The following MATN1 variants were observed in gnomAD, a reference collection of about 807,000 sequenced individuals.
MATN1 encodes matrilin 1.
In MATN1, 34 loss-of-function variants were observed where a neutral mutation model predicts 41.3. The ratio of observed to expected loss-of-function variants is 0.82; its 90% confidence interval spans 0.63 to 1.10. The LOEUF is 1.10. MATN1 is among the 50% of genes least tolerant of loss of function. The pLI is 0.00. For missense variants in MATN1, 602 were observed against 662.4 expected, an observed-to-expected ratio of 0.91 and a Z score of 1.00; for synonymous variants, 264 against 278.7, an observed-to-expected ratio of 0.95 and a Z score of 0.53.
chr1:30,718,160 G>A lies in MATN1; in HGVS notation c.664+575C>T, dbSNP rs866320350. Among the ~76,000 whole-genome samples, 11 of 150,734 alleles carry A rather than the reference G, an allele frequency of 7.3e-5. No homozygotes were observed. The East Asian group carries it at 1.6e-3, about 22-fold the overall frequency. On this transcript the variant is annotated intron_variant, in intron 3 of 7. Coordinates refer to ENST00000373765, the MANE Select transcript of MATN1 (RefSeq NM_002379.3). The stretch of plus-strand genomic sequence containing the variant: ...GTTGCCGTGTAACTCAGTTCCCGCC[G>A]TTTTATAGGCTACCGCCCCAGCCAG...
Position 30,714,265 on chromosome 1 carries a change from G to C in MATN1, c.1423C>G (p.Gln475Glu), listed in dbSNP as rs773226779. Residue 475 changes from glutamine to glutamate, a missense_variant, in exon 7 of 8, where the codon CAG (glutamine) becomes GAG (glutamate). By Grantham distance (29) the Gln-to-Glu change is conservative. Coordinates refer to ENST00000373765, the MANE Select transcript of MATN1 (RefSeq NM_002379.3). Reference protein sequence around the residue: ...KFQAKVEGLLQALTRKLEAVS... With the variant: ...KFQAKVEGLLEALTRKLEAVS... ...GGGATATGTTTCCTGGTCAGGGCCT[G>C]CAGCAGCCCCTCCACTTTGGCTTGG... is the stretch of plus-strand genomic sequence containing the variant. The C allele has an allele frequency of 8.7e-6, 14 of 1,608,644 alleles. No individual in the cohort carries two copies. In the South Asian group the frequency reaches 1.2e-4, roughly 14 times the overall value.
At chr1:30,713,703 G>A (rs1639582381) in intron 7 of MATN1, 72 bp from the exon 8 acceptor site, 3 of 1,249,474 alleles carry the variant, frequency 2.4e-6, no homozygotes, top group Non-Finnish European at 2.3e-6. Flanking sequence ...CTGCACTCAG[G>A]CCCCTGCAAC....
rs756680336 is a variant in MATN1, at chr1:30,721,449, C to T, written c.397G>A (p.Gly133Ser). ...AIQFAITKAFGDAEGGRSRSP... is the reference protein window; with the variant it reads ...AIQFAITKAFSDAEGGRSRSP... ...CTGGAACGACCACCCTCTGCATCGC[C>T]GAAGGCTTTGGTGATAGCGAACTGG... The change falls in exon 2 of 8, where the codon GGC becomes AGC. Residue 133 changes from glycine (G) to serine (S), a missense_variant. Transcript: ENST00000373765. The T allele has an allele frequency of 1.9e-5, 30 of 1,613,334 alleles. 1 individual carries two copies. The highest frequency in any genetic ancestry group is 6.7e-5 in the Admixed American group (4 of 60,018).
chr1:30,716,411 A>G, intron 4 of MATN1, 86 bp from the exon 5 acceptor site: 1 of 1,354,144 alleles, frequency 7.4e-7, no homozygotes, highest in Admixed American at 2.0e-5. Context: ...CCACACACCA[A>G]GCTCTGTGCT....
rs763120799 is a variant in MATN1, at chr1:30,716,205, G to A, written c.911C>T (p.Thr304Met). ...VKKFISQIVD[T>M]LDVSDKLAQV... ...GGCCAGCTTGTCTGACACGTCCAGC[G>A]TATCCACGATCTGACTGATGAACTT... The change falls in exon 5 of 8, where the codon ACG becomes ATG. Residue 304 changes from threonine (T) to methionine (M), a missense_variant. Coordinates refer to ENST00000373765, the MANE Select transcript of MATN1 (RefSeq NM_002379.3). 1.7e-5 allele frequency: 28 copies of A among 1,614,208 alleles called. No homozygotes were observed. The highest frequency in any genetic ancestry group is 7.7e-5 in the South Asian group (7 of 91,080).
chr1:30,714,138 G>T, intron 7 of MATN1, 109 bp downstream of exon 7: 2 of 858,892 alleles, frequency 2.3e-6, no homozygotes, highest in Non-Finnish European at 3.8e-6. Context: ...TCAGCAGTAA[G>T]CAGGCCAAGA....
chr1:30,713,944 G>A (rs576637846), intron 7 of MATN1: 89 of 579,074 alleles, frequency 1.5e-4, no homozygotes, highest in African/African-American at 1.5e-3. Context: ...ACGTCACCAT[G>A]AGCCTGAGAA....
At chr1:30,714,355 G>T in intron 6 of MATN1, 28 bp from the exon 7 acceptor site, 1 of 1,577,908 alleles carries the variant, frequency 6.3e-7, no homozygotes, top group East Asian at 2.3e-5. Context: ...GAGGGAAAGA[G>T]AAAGGAACTG....
At position 30,716,213 on chromosome 1, in the gene MATN1, G is replaced by T. The variant is rs34163530; in HGVS notation, c.903C>A (p.Ile301=). Residue 301 remains isoleucine (I), a synonymous_variant, in exon 5 of 8, where the codon ATC becomes ATA. Transcript: ENST00000373765. ...FELVKKFISQ[I]VDTLDVSDKL... Reference sequence around the variant, plus strand: ...TGTCTGACACGTCCAGCGTATCCACGATCTGACTGATGAACTTCTTCACCA... The same window carrying T: ...TGTCTGACACGTCCAGCGTATCCACTATCTGACTGATGAACTTCTTCACCA... 5 of 1,614,036 alleles carry T rather than the reference G, an allele frequency of 3.1e-6. No homozygotes were observed. The African/African-American group carries it at 6.7e-5, about 22-fold the overall frequency.
rs1378288682 is a variant in MATN1, at chr1:30,712,377, T to C, written c.*1205A>G. On this transcript the variant is annotated 3_prime_UTR_variant, in exon 8 of 8. Transcript: ENST00000373765. ...TCTTGTGCAGTCTCTGAGGTGGGGC[T>C]GCTGCCATCTGCGTTGGGGACTTTG... is the stretch of plus-strand genomic sequence containing the variant. The C allele has an allele frequency of 2.0e-5, 3 of 152,290 alleles. No individual in the cohort carries two copies. The highest frequency in any genetic ancestry group is 7.2e-5 in the African/African-American group (3 of 41,400). 9.4% of individuals were successfully genotyped at this position (152,290 alleles called of 1,614,324 possible).
chr1:30,714,218 C>T, intron 7 of MATN1, 29 bp downstream of exon 7: 1 of 1,562,464 alleles, frequency 6.4e-7, no homozygotes, highest in Non-Finnish European at 8.7e-7. Flanking sequence ...CGCCCCTCCC[C>T]AGCCCCAGCC....
Position 30,718,879 on chromosome 1 carries a change from C to G in MATN1, c.520G>C (p.Glu174Gln). 2.5e-6 allele frequency: 4 copies of G among 1,599,454 alleles called. No homozygotes were observed. Among genetic ancestry groups the G allele is most frequent in the Non-Finnish European group, 2.6e-6 (3 of 1,176,106 alleles). Reference protein sequence around the residue: ...VSARARASGVELFAIGVGSVD... With the variant: ...VSARARASGVQLFAIGVGSVD... The stretch of plus-strand genomic sequence containing the variant: ...CTGCCCACTCCGATGGCGAACAGCT[C>G]GACGCCGCTGGCCCGGGCCCGCGCA... The change falls in exon 3 of 8, where the codon GAG (glutamate) becomes CAG (glutamine). Residue 174 changes from glutamate (E) to glutamine (Q), a missense_variant. Glu to Gln is a conservative substitution (Grantham distance 29, BLOSUM62 2). Coordinates refer to ENST00000373765, the MANE Select transcript of MATN1 (RefSeq NM_002379.3).
intron 3 of MATN1, among the ~76,000 whole-genome samples, chr1:30,718,068 T>C (rs1029128821): frequency 1.5e-4 from 23 of 151,778 alleles, no homozygotes; most frequent in Non-Finnish European, 2.4e-4. Context: ...TGGCACCACC[T>C]CAGTCTAATC....
chr1:30,718,703 T>A (rs1639657118), intron 3 of MATN1, 32 bp downstream of exon 3: 87 of 1,157,908 alleles, frequency 7.5e-5, no homozygotes, highest in Non-Finnish European at 9.2e-5. Flanking sequence ...TCTCCGCCCC[T>A]GCCCTGGCTC....
intron 1 of MATN1, 68 bp from the exon 2 acceptor site, chr1:30,721,819 CAG>C (rs1639699939): frequency 1.5e-6 from 2 of 1,318,160 alleles, no homozygotes; most frequent in Admixed American, 1.8e-5. Context: ...CCTGAACACA[CAG>C]AGTGCGGCTT....
Position 30,713,377 on chromosome 1 carries a change from GCA to G in MATN1, c.*203_*204del, listed in dbSNP as rs10531531. 206,219 of 511,464 alleles carry G rather than the reference GCA, an allele frequency of 0.4. 19,224 individuals carry two copies. Among genetic ancestry groups the G allele is most frequent in the African/African-American group, 0.53 (26,926 of 51,226 alleles). 31.7% of individuals were successfully genotyped at this position (511,464 alleles called of 1,614,324 possible). A position where few individuals can be genotyped will look rare whatever the true frequency, so the allele number is the denominator to read the frequency against. ...CTCATGCCCACCCTCAGGCGCACGT[GCA>G]CACACACACACACACACACACATGC... is the stretch of plus-strand genomic sequence containing the variant. On this transcript the variant is annotated 3_prime_UTR_variant, in exon 8 of 8. Transcript: ENST00000373765.
In MATN1 at chr1:30,713,394, CA is replaced by C; in HGVS notation, c.*187del. 1 of 627,342 alleles carries C rather than the reference CA, an allele frequency of 1.6e-6. No individual in the cohort carries two copies. The highest frequency in any genetic ancestry group is 1.8e-5 in the South Asian group (1 of 55,186). 38.9% of individuals were successfully genotyped at this position (627,342 alleles called of 1,614,324 possible). A position where few individuals can be genotyped will look rare whatever the true frequency, so the allele number is the denominator to read the frequency against. ...GCGCACGTGCACACACACACACACA[CA>C]CACACATGCACACATACACACACGC... On this transcript the variant is annotated 3_prime_UTR_variant, in exon 8 of 8. Transcript: ENST00000373765.
rs1174213645 is a variant in MATN1, at chr1:30,714,301, G to A, written c.1387C>T (p.Leu463=). ...TCCACTTTGGCTTGGAATTTCACCA[G>A]GGACTCGCAGGCACACGGGTCTTCC... The part of the protein sequence containing the change: ...VEEDPCACES[L]VKFQAKVEGL... The change falls in exon 7 of 8, where the codon CTG becomes TTG. Residue 463 remains leucine (L), a synonymous_variant. Coordinates refer to ENST00000373765, the MANE Select transcript of MATN1 (RefSeq NM_002379.3). 6.2e-7 allele frequency: 1 copy of A among 1,611,198 alleles called. No individual in the cohort carries two copies. Among genetic ancestry groups the A allele is most frequent in the Non-Finnish European group, 8.5e-7 (1 of 1,178,768 alleles).
rs1206191661 is a variant in MATN1 at position 30,717,649 on chromosome 1, TTTTTGTTTTG to T, written c.665-744_665-735del. ...TTGTTTTTTGTGTGTGCGGTTTTTT[TTTTTGTTTTG>T]TTTTTTTTTTGAGACGGAGTCGTCT... On this transcript the variant is annotated intron_variant, in intron 3 of 7. Transcript: ENST00000373765. 1.3e-4 allele frequency among the ~76,000 whole-genome samples: 15 copies of T among 119,462 alleles called. 2 individuals carry two copies. Among genetic ancestry groups the T allele is most frequent in the South Asian group, 7.1e-4 (3 of 4,248 alleles). 78.4% of individuals were successfully genotyped at this position (119,462 alleles called of 152,430 possible). A position where few individuals can be genotyped will look rare whatever the true frequency, so the allele number is the denominator to read the frequency against.
Sources: gnomAD v4.1 joint callset for allele counts (sites outside exome capture counted in the v4.1 genomes callset) on GRCh38, gnomAD v4.1.1 for gene constraint, MANE v1.5 for transcripts, NCBI Gene and HGNC (gene_info 2026-07-23, HGNC 2026-07-21) for gene names.